Variants in PTPRR observed in about 807,000 individuals in gnomAD.
PTPRR encodes protein tyrosine phosphatase receptor type R, also known as receptor-type tyrosine-protein phosphatase R.
A neutral mutation model predicts 77.2 loss-of-function variants in PTPRR; 38 were observed. That is an observed-to-expected ratio of 0.49 (90% confidence interval 0.38 to 0.65). The LOEUF is 0.65. PTPRR is among the 30% of genes least tolerant of loss of function. PTPRR has a pLI of 0.00. For missense variants in PTPRR, 744 were observed against 799.2 expected, an observed-to-expected ratio of 0.93 and a Z score of 0.83; for synonymous variants, 299 against 283.1, an observed-to-expected ratio of 1.06 and a Z score of -0.57.
At chr12:70,861,921 A>T (rs1892759816) in intron 2 of PTPRR, among the ~76,000 whole-genome samples, 1 of 152,138 alleles carries the variant, frequency 6.6e-6, no homozygotes, top group Non-Finnish European at 1.5e-5. Flanking sequence ...TCAGAAATGG[A>T]GCAAATGCTC....
At chr12:70,902,250 A>T (rs1893548721) in intron 1 of PTPRR, among the ~76,000 whole-genome samples, 1 of 151,940 alleles carries the variant, frequency 6.6e-6, no homozygotes, top group Admixed American at 6.6e-5. Context: ...TATGGAAAAC[A>T]GTGTGGAGAT....
chr12:70,756,863 T>G (rs1890575925), intron 4 of PTPRR, among the ~76,000 whole-genome samples: 1 of 152,112 alleles, frequency 6.6e-6, no homozygotes, highest in African/African-American at 2.4e-5. Flanking sequence ...ATACAGAGGA[T>G]CTAGGAGATA....
At chr12:70,671,313 T>G (rs1476976931) in intron 10 of PTPRR, among the ~76,000 whole-genome samples, 1 of 152,084 alleles carries the variant, frequency 6.6e-6, no homozygotes, top group African/African-American at 2.4e-5. Context: ...TAAAGAGTAA[T>G]GAATAATAAA....
At chr12:70,672,605 C>A in intron 10 of PTPRR, 2 of 1,468,914 alleles carry the variant, frequency 1.4e-6, no homozygotes, top group Non-Finnish European at 1.9e-6. Flanking sequence ...GTAGCAGATG[C>A]ACACATCTTA....
Position 70,684,771 on chromosome 12 carries a change from C to T in PTPRR, c.1292G>A (p.Arg431Lys), listed in dbSNP as rs1027973017. The T allele has an allele frequency of 6.2e-7, 1 of 1,602,090 alleles. No homozygotes were observed. The highest frequency in any genetic ancestry group is 8.5e-7 in the Non-Finnish European group (1 of 1,173,162). Residue 431 changes from arginine to lysine, a missense_variant, in exon 9 of 14, where the codon AGA (arginine) becomes AAA (lysine). Coordinates refer to ENST00000283228, the MANE Select transcript of PTPRR (RefSeq NM_002849.4). ...YKTILPNPLS[R>K]VCLRPKNVTD... ...TACATTTTTTGGTCTTAAACACACT[C>T]TGCTGAGGGGATCTAATGAAGAAAA...
intron 1 of PTPRR, among the ~76,000 whole-genome samples, chr12:70,893,423 G>A (rs1157217659): frequency 1.3e-5 from 2 of 151,790 alleles, no homozygotes; most frequent in Non-Finnish European, 1.5e-5. Flanking sequence ...ACAATGAACA[G>A]TTTTCTTCAC....
intron 8 of PTPRR, among the ~76,000 whole-genome samples, chr12:70,685,312 G>T (rs972069904): frequency 2.0e-5 from 3 of 151,944 alleles, no homozygotes; most frequent in Admixed American, 6.6e-5. Flanking sequence ...GGATAGGCAA[G>T]CCAGGGGAAG....
intron 13 of PTPRR, among the ~76,000 whole-genome samples, chr12:70,654,951 A>C (rs1204387492): frequency 1.3e-5 from 2 of 152,062 alleles, no homozygotes; most frequent in African/African-American, 2.4e-5. Flanking sequence ...AGCCAACAAA[A>C]CTCTTGTTCC....
chr12:70,728,169 A>T (rs1889510372), intron 6 of PTPRR, among the ~76,000 whole-genome samples: 1 of 148,874 alleles, frequency 6.7e-6, no homozygotes, highest in South Asian at 2.1e-4. Context: ...CCTTATCCGA[A>T]ATGCTTGGGA....
chr12:70,804,792 C>T (rs1053597645), intron 2 of PTPRR, among the ~76,000 whole-genome samples: 2 of 152,110 alleles, frequency 1.3e-5, no homozygotes, highest in Admixed American at 1.3e-4. Flanking sequence ...CCTTGATGAA[C>T]GTGCGAACAT....
intron 2 of PTPRR, among the ~76,000 whole-genome samples, chr12:70,832,214 A>T (rs557393513): frequency 3.9e-5 from 6 of 152,138 alleles, no homozygotes; most frequent in Non-Finnish European, 8.8e-5. Context: ...AGGGATTGTA[A>T]ATTTAAATAC....
At chr12:70,673,942 T>A (rs940528407) in intron 10 of PTPRR, among the ~76,000 whole-genome samples, 57 of 152,086 alleles carry the variant, frequency 3.7e-4, no homozygotes, top group African/African-American at 1.0e-3. Flanking sequence ...TTTTTAAAAA[T>A]TTTTTTTAAG....
intron 2 of PTPRR, among the ~76,000 whole-genome samples, chr12:70,866,674 T>A (rs1177754904): frequency 6.6e-6 from 1 of 152,166 alleles, no homozygotes; most frequent in Non-Finnish European, 1.5e-5. Context: ...CCTCCCTAAC[T>A]CATTTTATGA....
intron 6 of PTPRR, among the ~76,000 whole-genome samples, chr12:70,745,337 G>A (rs1890179273): frequency 6.6e-6 from 1 of 152,184 alleles, no homozygotes; most frequent in Admixed American, 6.5e-5. Context: ...CAGTGTCATG[G>A]ATCTTGATAC....
chr12:70,843,261 T>A (rs1436132625), intron 2 of PTPRR, among the ~76,000 whole-genome samples: 1 of 152,200 alleles, frequency 6.6e-6, no homozygotes, highest in Admixed American at 6.5e-5. Flanking sequence ...GTCTTTATGC[T>A]CTCTGGTTAT....
At chr12:70,670,534 A>C (rs1887183380) in intron 10 of PTPRR, among the ~76,000 whole-genome samples, 1 of 152,268 alleles carries the variant, frequency 6.6e-6, no homozygotes, top group African/African-American at 2.4e-5. Flanking sequence ...TGTGCTTAGC[A>C]CATATGATCA....
intron 2 of PTPRR, among the ~76,000 whole-genome samples, chr12:70,783,387 G>T (rs1198205671): frequency 1.3e-5 from 2 of 152,096 alleles, no homozygotes; most frequent in Non-Finnish European, 2.9e-5. Flanking sequence ...GTAGCTGGTA[G>T]TCCCATCTTC....
At chr12:70,785,359 T>C (rs1332583269) in intron 2 of PTPRR, among the ~76,000 whole-genome samples, 1 of 152,162 alleles carries the variant, frequency 6.6e-6, no homozygotes, top group African/African-American at 2.4e-5. Flanking sequence ...ATTTTAATAT[T>C]ACCTCTTAAT....
At chr12:70,893,224 G>C (rs1316600287) in intron 1 of PTPRR, among the ~76,000 whole-genome samples, 5 of 151,906 alleles carry the variant, frequency 3.3e-5, no homozygotes, top group African/African-American at 1.2e-4. Flanking sequence ...CTATTTTTCA[G>C]ATATTCTGAT....
Sources: allele counts gnomAD v4.1 joint callset (sites outside exome capture counted in the v4.1 genomes callset), GRCh38; gene constraint gnomAD v4.1.1; transcripts MANE v1.5; gene names NCBI Gene and HGNC (gene_info 2026-07-23, HGNC 2026-07-21).